CDC14A: variants seen among roughly 807,000 people sequenced by gnomAD.
CDC14A encodes cell division cycle 14A.
CDC14A carries 53 observed loss-of-function variants against 74.4 expected under a neutral mutation model. That is an observed-to-expected ratio of 0.71 (90% CI 0.57 to 0.89). CDC14A has a LOEUF of 0.89. CDC14A is among the 40% of genes least tolerant of loss of function. The pLI is 0.00. For missense variants in CDC14A, 646 were observed against 713.7 expected, an observed-to-expected ratio of 0.91 and a Z score of 1.08; for synonymous variants, 247 against 258.4, an observed-to-expected ratio of 0.96 and a Z score of 0.43.
intron 15 of CDC14A, chr1:100,505,048 A>C: frequency 9.7e-7 from 1 of 1,034,968 alleles, no homozygotes; most frequent in Non-Finnish European, 1.3e-6. Flanking sequence ...AATTGTCTCC[A>C]AATTTAAACT....
chr1:100,502,870 A>G (rs1467856690), intron 15 of CDC14A, among the ~76,000 whole-genome samples: 1 of 152,202 alleles, frequency 6.6e-6, no homozygotes. Flanking sequence ...TAAATAATTC[A>G]ATTTAAGTAA....
At chr1:100,356,118 T>G (rs369471132) in intron 2 of CDC14A, among the ~76,000 whole-genome samples, 5 of 152,038 alleles carry the variant, frequency 3.3e-5, no homozygotes, top group African/African-American at 1.2e-4. Flanking sequence ...TCAGGGAACA[T>G]GTAGGGGATG....
chr1:100,375,083 GGT>G (rs1486779275), intron 2 of CDC14A, among the ~76,000 whole-genome samples: 2 of 152,136 alleles, frequency 1.3e-5, no homozygotes, highest in Non-Finnish European at 2.9e-5. Flanking sequence ...TTGAGAGAAA[GGT>G]GTTCCCTAGG....
chr1:100,512,311 C>T (rs560003258), intron 15 of CDC14A, among the ~76,000 whole-genome samples: 8 of 152,100 alleles, frequency 5.3e-5, no homozygotes, highest in Non-Finnish European at 8.8e-5. Context: ...CTAATAAATA[C>T]TTATTGAACT....
At chr1:100,466,342 G>A (rs1375961032) in intron 9 of CDC14A, among the ~76,000 whole-genome samples, 1 of 152,150 alleles carries the variant, frequency 6.6e-6, no homozygotes, top group Non-Finnish European at 1.5e-5. Flanking sequence ...TATCTATACG[G>A]TTGCCTATAG....
At chr1:100,456,090 G>A (rs1375445599) in intron 8 of CDC14A, among the ~76,000 whole-genome samples, 1 of 152,154 alleles carries the variant, frequency 6.6e-6, no homozygotes, top group African/African-American at 2.4e-5. Context: ...AACCAGAGGA[G>A]GGCTCCTAAA....
intron 7 of CDC14A, among the ~76,000 whole-genome samples, chr1:100,453,008 C>G (rs773935438): frequency 6.6e-6 from 1 of 151,986 alleles, no homozygotes; most frequent in African/African-American, 2.4e-5. Context: ...CCAAAGTAAG[C>G]GTATATTATA....
intron 4 of CDC14A, among the ~76,000 whole-genome samples, chr1:100,417,960 G>C (rs147364031): frequency 6.6e-6 from 1 of 152,164 alleles, no homozygotes; most frequent in Non-Finnish European, 1.5e-5. Flanking sequence ...TTCCACTTTA[G>C]TCTAAAGGAA....
Position 100,480,612 on chromosome 1 carries a change from A to G in CDC14A, c.978-3680A>G, listed in dbSNP as rs528504038. On this transcript the variant is annotated intron_variant, in intron 10 of 15. Transcript: ENST00000336454. ...AGCTGTGCCATTTTTCATTCCCACC[A>G]ACAATGCACGAGGGGTCCAGTTTCT... 3.3e-5 allele frequency among the ~76,000 whole-genome samples: 5 copies of G among 152,310 alleles called. No individual in the cohort carries two copies. The South Asian group carries it at 8.3e-4, about 25-fold the overall frequency.
intron 10 of CDC14A, among the ~76,000 whole-genome samples, chr1:100,469,068 T>C (rs1355618987): frequency 1.3e-5 from 2 of 152,140 alleles, no homozygotes; most frequent in Admixed American, 6.5e-5. Context: ...CTGATGGCTC[T>C]CTTTTGAATA....
Sources: allele counts gnomAD v4.1 joint callset (sites outside exome capture counted in the v4.1 genomes callset), GRCh38; gene constraint gnomAD v4.1.1; transcripts MANE v1.5; gene names NCBI Gene and HGNC (gene_info 2026-07-23, HGNC 2026-07-21).